CSAG1: variants seen among roughly 807,000 people sequenced by gnomAD.
CSAG1 encodes chondrosarcoma-associated gene 1 protein.
Under a neutral mutation model 4.8 loss-of-function variants are expected in CSAG1, and 4 were observed. That is an observed-to-expected ratio of 0.83 (90% CI 0.41 to 1.90). The LOEUF is 1.90. Among genes scored for constraint, CSAG1 ranks in the 40% most tolerant of loss-of-function variants. CSAG1 has a pLI of 0.03. For synonymous variants in CSAG1, 21 were observed against 23.1 expected (o/e 0.91, Z 0.26); for missense variants, 69 against 59.5 (o/e 1.16, Z -0.53).
intron 1 of CSAG1, 75 bp from the exon 2 acceptor site, chrX:152,732,579 C>T (rs1932183186): frequency 8.9e-7 from 1 of 1,127,281 alleles, no homozygotes; most frequent in Non-Finnish European, 1.2e-6. Context: ...AAAACAGGGC[C>T]AGTCCAGGGT....
Position 152,731,216 on chromosome X carries a change from A to T in CSAG1, c.16+1229T>A, listed in dbSNP as rs782328845. ...CGGTATCAAGTATCCTGGGTTCATA[A>T]TATTAGTTTCTGTTATTCTGTATGT... On this transcript the variant is annotated intron_variant, in intron 2 of 3. Transcript: ENST00000452779. 3.0e-4 allele frequency among the ~76,000 whole-genome samples: 33 copies of T among 111,779 alleles called. No homozygotes were observed. In the South Asian group the frequency reaches 0.012, roughly 39 times the overall value.
chrX:152,732,646 G>A (rs1932185515), intron 1 of CSAG1, 142 bp from the exon 2 acceptor site: 2 of 726,026 alleles, frequency 2.8e-6, no homozygotes, highest in Non-Finnish European at 4.1e-6. Flanking sequence ...GTGTCGGTTA[G>A]AGGGGGTTAG....
At position 152,730,009 on chromosome X, in the gene CSAG1, T is replaced by TATATATATATATATATATATAC. The variant is rs1220407757; in HGVS notation, c.17-1786_17-1785insGTATATATATATATATATATAT. On this transcript the variant is annotated intron_variant, in intron 2 of 3. Coordinates refer to ENST00000452779, the MANE Select transcript of CSAG1 (RefSeq NM_001102576.3). ...TGAATGGATTATATATATATATATATACACACATACACACACACACGCATT... is the reference window on the plus strand; with the variant it reads ...TGAATGGATTATATATATATATATATATATATATATATATATATATACACACACATACACACACACACGCATT... Among the ~76,000 whole-genome samples the TATATATATATATATATATATAC allele has an allele frequency of 9.3e-4, 51 of 54,998 alleles. 1 individual carries two copies. Among genetic ancestry groups the TATATATATATATATATATATAC allele is most frequent in the African/African-American group, 2.9e-3 (50 of 17,092 alleles). 47.8% of individuals were successfully genotyped at this position (54,998 alleles called of 115,157 possible). A position where few individuals can be genotyped will look rare whatever the true frequency, so the allele number is the denominator to read the frequency against.
intron 2 of CSAG1, among the ~76,000 whole-genome samples, chrX:152,731,726 GA>G (rs11305947): frequency 4.8e-4 from 47 of 97,846 alleles, no homozygotes; most frequent in African/African-American, 1.3e-3. Context: ...TTTAACATCA[GA>G]AAAAAAAAAA....
At chrX:152,733,401 G>A (rs2515837) in intron 1 of CSAG1, among the ~76,000 whole-genome samples, 41,279 of 110,844 alleles carry the variant, frequency 0.37, 5,704 homozygotes, top group East Asian at 0.66. Context: ...GTCAGCCCTG[G>A]TAAACTTAGG....
chrX:152,732,592 G>C, intron 1 of CSAG1, 88 bp from the exon 2 acceptor site: 12 of 1,058,523 alleles, frequency 1.1e-5, no homozygotes, highest in Non-Finnish European at 1.4e-5. Context: ...TCCAGGGTGA[G>C]ACTGAAGACC....
intron 2 of CSAG1, among the ~76,000 whole-genome samples, chrX:152,730,540 C>T (rs1217638587): frequency 6.3e-5 from 7 of 111,500 alleles, no homozygotes; most frequent in Non-Finnish European, 1.3e-4. Flanking sequence ...AGGGAAAAGG[C>T]AGGTGTCTAG....
chrX:152,729,825 C>G (rs1230504887), intron 2 of CSAG1, among the ~76,000 whole-genome samples: 1 of 109,967 alleles, frequency 9.1e-6, no homozygotes, highest in African/African-American at 3.3e-5. Context: ...TCTTAAAAAA[C>G]GGAACATAGA....
intron 1 of CSAG1, 53 bp from the exon 2 acceptor site, chrX:152,732,557 A>C: frequency 8.5e-7 from 1 of 1,180,075 alleles, no homozygotes; most frequent in Non-Finnish European, 1.1e-6. Flanking sequence ...TTAGCAAGAA[A>C]ATCTACACAA....
intron 2 of CSAG1, among the ~76,000 whole-genome samples, chrX:152,732,144 T>C (rs1374488850): frequency 7.1e-5 from 8 of 112,613 alleles, no homozygotes; most frequent in Non-Finnish European, 9.4e-5. Context: ...GCCTTCAGAA[T>C]GAGGTGTGCA....
intron 2 of CSAG1, among the ~76,000 whole-genome samples, chrX:152,730,121 T>A (rs1556228681): frequency 9.3e-6 from 1 of 107,887 alleles, no homozygotes; most frequent in African/African-American, 3.4e-5. Context: ...GACTCTTCAG[T>A]TCATTATGCT....
chrX:152,731,018 T>C (rs1326360164), intron 2 of CSAG1, among the ~76,000 whole-genome samples: 3 of 112,741 alleles, frequency 2.7e-5, no homozygotes, highest in African/African-American at 9.7e-5. Flanking sequence ...ATCAATGCTA[T>C]TGGGTTTTTG....
chrX:152,728,787 T>G (rs1932082717), intron 2 of CSAG1, among the ~76,000 whole-genome samples: 1 of 111,502 alleles, frequency 9.0e-6, no homozygotes, highest in African/African-American at 3.3e-5. Context: ...TCTTGGCCCT[T>G]CCTCTGTGCA....
rs1556830784 is a variant in CSAG1 at position 152,728,136 on chromosome X, C to T, written c.105G>A (p.Lys35=). ...SRLYRDTGLV[K]MSRKPRASSP... ...TGGAGGCTCGTGGTTTCCTGGACAT[C>T]TTCACCAGACCAGTGTCTCTGTACA... Residue 35 remains lysine (K), a synonymous_variant, in exon 3 of 4, where the codon AAG becomes AAA. Coordinates refer to ENST00000452779, the MANE Select transcript of CSAG1 (RefSeq NM_001102576.3). The T allele has an allele frequency of 1.7e-6, 2 of 1,209,003 alleles. No homozygotes were observed. Among genetic ancestry groups the T allele is most frequent in the African/African-American group, 3.5e-5 (2 of 56,807 alleles).
chrX:152,732,595 T>G, intron 1 of CSAG1, 91 bp from the exon 2 acceptor site: 1 of 1,043,832 alleles, frequency 9.6e-7, no homozygotes, highest in Admixed American at 2.4e-5. Flanking sequence ...AGGGTGAGAC[T>G]GAAGACCTTG....
At chrX:152,731,846 G>A (rs1932162570) in intron 2 of CSAG1, among the ~76,000 whole-genome samples, 2 of 111,890 alleles carry the variant, frequency 1.8e-5, no homozygotes, top group Admixed American at 9.5e-5. Context: ...ATGGAAAAAA[G>A]AAAATATTTA....
chrX:152,731,982 C>T (rs1556228141), intron 2 of CSAG1, among the ~76,000 whole-genome samples: 1 of 112,155 alleles, frequency 8.9e-6, no homozygotes, highest in Non-Finnish European at 1.9e-5. Flanking sequence ...ATTATCTCTA[C>T]GTTTGAAATC....
Position 152,727,719 on chromosome X carries a change from C to A in CSAG1, c.*75G>T, listed in dbSNP as rs1287440411. 14 of 1,136,157 alleles carry A rather than the reference C, an allele frequency of 1.2e-5. 1 individual carries two copies. In the Admixed American group the frequency reaches 2.2e-4, roughly 18 times the overall value. The allele number at this position is 1,136,157 out of a possible 1,213,427, so 93.6% of individuals were successfully genotyped here. ...GCTATGGCGCATTTTGATTGAGTTC[C>A]TCGTTCGGCTGGTCAGAGTGGCTGG... On this transcript the variant is annotated 3_prime_UTR_variant, in exon 4 of 4. Coordinates refer to ENST00000452779, the MANE Select transcript of CSAG1 (RefSeq NM_001102576.3).
chrX:152,732,602 C>T, intron 1 of CSAG1, 98 bp from the exon 2 acceptor site: 3 of 996,273 alleles, frequency 3.0e-6, no homozygotes, highest in Non-Finnish European at 4.2e-6. Flanking sequence ...GACTGAAGAC[C>T]TTGTTGAGCT....
Sources: allele counts gnomAD v4.1 joint callset (sites outside exome capture counted in the v4.1 genomes callset), GRCh38; gene constraint gnomAD v4.1.1; transcripts MANE v1.5; gene names NCBI Gene and HGNC (gene_info 2026-07-23, HGNC 2026-07-21).